Variants in VPS13D observed in about 807,000 individuals in gnomAD.
VPS13D encodes the protein vacuolar protein sorting 13 homolog D.
Under a neutral mutation model 461.9 loss-of-function variants are expected in VPS13D, and 187 were observed. The observed-to-expected ratio is 0.40, with a 90% CI of 0.36 to 0.46. The LOEUF (loss-of-function observed/expected upper bound fraction) is 0.46, where lower values mean the gene tolerates loss of function less well. VPS13D is among the 20% of genes least tolerant of loss of function. The probability of loss-of-function intolerance (pLI) is 0.60; values close to 1 mark genes in which losing one functional copy is unlikely to be tolerated. For synonymous variants in VPS13D, 1,951 were observed against 1,986.3 expected, an observed-to-expected ratio of 0.98 and a Z score of 0.47; for missense variants, 4,711 against 5,364.9, an observed-to-expected ratio of 0.88 and a Z score of 3.81.
At chr1:12,382,007 T>TCC (rs1644288195) in intron 57 of VPS13D, among the ~76,000 whole-genome samples, 2 of 148,634 alleles carry the variant, frequency 1.3e-5, no homozygotes, top group Non-Finnish European at 3.0e-5. Context: ...CTTCCTTCCT[T>TCC]TCTTCCTTCC....
At chr1:12,262,715 T>C (rs1420020481) in intron 13 of VPS13D, among the ~76,000 whole-genome samples, 1 of 151,974 alleles carries the variant, frequency 6.6e-6, no homozygotes, top group Non-Finnish European at 1.5e-5. Flanking sequence ...TTCTTTTTTT[T>C]TTTTTTGAGA....
intron 56 of VPS13D, among the ~76,000 whole-genome samples, chr1:12,379,143 G>GA (rs1325442845): frequency 2.0e-5 from 3 of 152,102 alleles, no homozygotes; most frequent in African/African-American, 7.2e-5. Flanking sequence ...AAATACAACA[G>GA]AAAAAAGACT....
At chr1:12,349,460 CT>C in intron 46 of VPS13D, 86 bp downstream of exon 46, 1 of 1,221,992 alleles carries the variant, frequency 8.2e-7, no homozygotes, top group Non-Finnish European at 1.2e-6. Flanking sequence ...TCTAAAGACC[CT>C]TAGAGATTCA....
At chr1:12,249,071 T>C in intron 5 of VPS13D, 152 bp from the exon 6 acceptor site, 1 of 576,498 alleles carries the variant, frequency 1.7e-6, no homozygotes, top group East Asian at 2.9e-5. Context: ...ATAAAGTGCC[T>C]GGTGTGGTTT....
intron 10 of VPS13D, among the ~76,000 whole-genome samples, chr1:12,258,534 G>T (rs1640992459): frequency 6.6e-6 from 1 of 152,198 alleles, no homozygotes; most frequent in Admixed American, 6.5e-5. Context: ...TAGAGGCTAG[G>T]CAGAAAAGGG....
At chr1:12,456,285 TGA>T (rs901624235) in intron 66 of VPS13D, among the ~76,000 whole-genome samples, 155 bp downstream of exon 66, 4 of 151,976 alleles carry the variant, frequency 2.6e-5, no homozygotes, top group African/African-American at 9.7e-5. Context: ...GAGTGGATCA[TGA>T]GGTCAGGAGT....
At position 12,244,593 on chromosome 1, in the gene VPS13D, T is replaced by C. The variant is rs1180374682; in HGVS notation, c.423T>C (p.Val141=). Residue 141 remains valine, a synonymous_variant, in exon 5 of 70, where the codon GTT becomes GTC. Transcript: ENST00000620676. The stretch of plus-strand genomic sequence containing the variant: ...GGTATTCAGTTACCGCCTCCGTAGT[T>C]ACAAGGATTGTGGAGAATATTGAAG... The part of the protein sequence containing the change: ...SYWYSVTASV[V]TRIVENIELK... The C allele has an allele frequency of 3.1e-6, 5 of 1,614,226 alleles. No homozygotes were observed. Among genetic ancestry groups the C allele is most frequent in the Admixed American group, 1.7e-5 (1 of 60,032 alleles).
rs70987243 is a variant in VPS13D, at chr1:12,260,015, CTTTTTTTTTT to C, written c.1111-659_1111-650del. On this transcript the variant is annotated intron_variant, in intron 10 of 69. Coordinates refer to ENST00000620676, the MANE Select transcript of VPS13D (RefSeq NM_015378.4). ...TGCAATAGTCCATATGCTTTAGTGACTTTTTTTTTTTTTTTTTTTTTTTTTTTTGAGATGG... is the reference window on the plus strand; with the variant it reads ...TGCAATAGTCCATATGCTTTAGTGACTTTTTTTTTTTTTTTTTTGAGATGG... Among the ~76,000 whole-genome samples, 6 of 72,772 alleles carry C rather than the reference CTTTTTTTTTT, an allele frequency of 8.2e-5. No individual in the cohort carries two copies. The East Asian group carries it at 1.4e-3, about 17-fold the overall frequency. 47.7% of individuals were successfully genotyped at this position (72,772 alleles called of 152,430 possible). A position where few individuals can be genotyped will look rare whatever the true frequency, so the allele number is the denominator to read the frequency against.
At chr1:12,293,488 C>G in intron 23 of VPS13D, 36 bp from the exon 24 acceptor site, 1 of 1,542,240 alleles carries the variant, frequency 6.5e-7, no homozygotes, top group Non-Finnish European at 8.8e-7. Context: ...TTGTGTCTTG[C>G]TGTTATCTGA....
At chr1:12,254,950 CT>C (rs372496241) in intron 7 of VPS13D, among the ~76,000 whole-genome samples, 465 of 141,926 alleles carry the variant, frequency 3.3e-3, no homozygotes, top group African/African-American at 7.1e-3. Context: ...TGGCTTTCTT[CT>C]TTTTTTTTTT....
rs779707414 is a variant in VPS13D at position 12,311,862 on chromosome 1, T to C, written c.6872T>C (p.Met2291Thr). Residue 2291 changes from methionine to threonine, a missense_variant, in exon 29 of 70, where the codon ATG (methionine) becomes ACG (threonine). Met to Thr is a moderately conservative substitution (Grantham distance 81). This residue lies in a region of VPS13D where 4,411 missense variants were observed against 4,937.8 expected (regional missense o/e 0.89). Transcript: ENST00000620676. ...VYTCMCFLID[M>T]VNVSLELKDP... The stretch of plus-strand genomic sequence containing the variant: ...ACCTGTATGTGCTTCCTCATTGATA[T>C]GGTGAATGTAAGTCTGGAGCTTAAA... 7 of 1,614,202 alleles carry C rather than the reference T, an allele frequency of 4.3e-6. No homozygotes were observed. The highest frequency in any genetic ancestry group is 5.9e-6 in the Non-Finnish European group (7 of 1,180,024).
At chr1:12,259,064 C>CAAAAAAA (rs1214323163) in intron 10 of VPS13D, among the ~76,000 whole-genome samples, 1 of 148,976 alleles carries the variant, frequency 6.7e-6, no homozygotes, top group Non-Finnish European at 1.5e-5. Context: ...TTTTGTGTGA[C>CAAAAAAA]AAGGTCTGGC....
Position 12,459,482 on chromosome 1 carries a change from CTTTTT to C in VPS13D, c.12467-706_12467-702del, listed in dbSNP as rs869264869. Among the ~76,000 whole-genome samples the C allele has an allele frequency of 8.4e-5, 11 of 131,340 alleles. No homozygotes were observed. In the South Asian group the frequency reaches 2.8e-3, roughly 33 times the overall value. 86.2% of individuals were successfully genotyped at this position (131,340 alleles called of 152,430 possible). A position where few individuals can be genotyped will look rare whatever the true frequency, so the allele number is the denominator to read the frequency against. On this transcript the variant is annotated intron_variant, in intron 66 of 69. Transcript: ENST00000620676. ...GCCTTAGATATCTTTCTTTTCTTTT[CTTTTT>C]TTTTTTTTTTTTGAGACAGTCTCGC...
intron 67 of VPS13D, among the ~76,000 whole-genome samples, chr1:12,494,876 C>T (rs1448658655): frequency 6.6e-6 from 1 of 152,218 alleles, no homozygotes; most frequent in Non-Finnish European, 1.5e-5. Flanking sequence ...TCCACCAAAG[C>T]TTGCATACTG....
chr1:12,304,853 A>G, intron 26 of VPS13D, 125 bp downstream of exon 26: 1 of 952,066 alleles, frequency 1.1e-6, no homozygotes. Flanking sequence ...TTCTTTAACG[A>G]TGATGAGATT....
chr1:12,476,245 A>G (rs1272774930), intron 67 of VPS13D, among the ~76,000 whole-genome samples: 1 of 152,268 alleles, frequency 6.6e-6, no homozygotes. Context: ...GAATATTGTC[A>G]TAAAAGTGAT....
At chr1:12,426,034 C>G (rs967452706) in intron 65 of VPS13D, among the ~76,000 whole-genome samples, 12 of 152,218 alleles carry the variant, frequency 7.9e-5, no homozygotes, top group African/African-American at 2.7e-4. Flanking sequence ...AATTTTCCAA[C>G]TGTAATTTCT....
At chr1:12,352,965 CAAAAAAAAAAAAAAAAA>C (rs61588046) in intron 46 of VPS13D, among the ~76,000 whole-genome samples, 4 of 17,586 alleles carry the variant, frequency 2.3e-4, no homozygotes, top group Non-Finnish European at 4.1e-4. Context: ...AACTCAGTCT[CAAAAAAAAAAAAAAAAA>C]AAAAAAAAAA....
chr1:12,274,733 C>T (rs1421492151), intron 18 of VPS13D, among the ~76,000 whole-genome samples: 2 of 152,190 alleles, frequency 1.3e-5, no homozygotes, highest in East Asian at 1.9e-4. Context: ...AGCACTACCT[C>T]GGCACTAGGA....
Sources: gnomAD v4.1 joint callset for allele counts (sites outside exome capture counted in the v4.1 genomes callset) on GRCh38, gnomAD v4.1.1 for gene constraint, gnomAD v4.1.1 regional missense constraint, MANE v1.5 for transcripts, NCBI Gene and HGNC (gene_info 2026-07-23, HGNC 2026-07-21) for gene names.